Variants in SORCS1 observed in about 807,000 individuals in gnomAD.
The protein encoded by SORCS1 is VPS10 domain-containing receptor SorCS1.
Under a neutral mutation model 146.1 loss-of-function variants are expected in SORCS1, and 60 were observed. The ratio of observed to expected loss-of-function variants is 0.41; its 90% CI spans 0.33 to 0.51. The LOEUF is 0.51. Among genes scored for constraint, SORCS1 ranks in the 20% least tolerant of loss-of-function variants. The pLI, the probability that SORCS1 is intolerant of heterozygous loss-of-function variation, is 0.21. For synonymous variants in SORCS1, 637 were observed against 584.0 expected (o/e 1.09, Z -1.31); for missense variants, 1,352 against 1,487.6 (o/e 0.91, Z 1.50).
Position 106,744,395 on chromosome 10 carries a change from G to A in SORCS1, c.960-14281C>T, listed in dbSNP as rs564972097. On this transcript the variant is annotated intron_variant, in intron 5 of 25. Transcript: ENST00000263054. Reference sequence around the variant, plus strand: ...CCTGGTATTTCAGGCTTGAGCCACCGTGCCCGGCCATCATGTTACTTTTAG... The same window carrying A: ...CCTGGTATTTCAGGCTTGAGCCACCATGCCCGGCCATCATGTTACTTTTAG... Among the ~76,000 whole-genome samples the A allele has an allele frequency of 4.6e-5, 7 of 152,216 alleles. No individual in the cohort carries two copies. The South Asian group carries it at 1.0e-3, about 23-fold the overall frequency.
At chr10:106,631,193 A>T (rs1047610326) in intron 18 of SORCS1, among the ~76,000 whole-genome samples, 21 of 152,238 alleles carry the variant, frequency 1.4e-4, no homozygotes, top group Non-Finnish European at 2.6e-4. Context: ...CCAGCCAAGC[A>T]TTGTGTGTGG....
At chr10:106,950,751 T>G (rs986973089) in intron 2 of SORCS1, among the ~76,000 whole-genome samples, 1 of 152,080 alleles carries the variant, frequency 6.6e-6, no homozygotes, top group Non-Finnish European at 1.5e-5. Flanking sequence ...AATGAACGTA[T>G]GGAGTTCAGT....
At chr10:106,925,495 C>T (rs1952969512) in intron 2 of SORCS1, among the ~76,000 whole-genome samples, 1 of 152,162 alleles carries the variant, frequency 6.6e-6, no homozygotes, top group African/African-American at 2.4e-5. Flanking sequence ...CTGATGGTCT[C>T]AAGCTTGCTT....
chr10:106,822,782 GTT>G lies in SORCS1; in HGVS notation c.726+6790_726+6791del, dbSNP rs1158921880. 6.5e-3 allele frequency among the ~76,000 whole-genome samples: 735 copies of G among 113,096 alleles called. 12 individuals are homozygous for G. Among genetic ancestry groups the G allele is most frequent in the African/African-American group, 0.026 (686 of 26,276 alleles). 74.2% of individuals were successfully genotyped at this position (113,096 alleles called of 152,430 possible). On this transcript the variant is annotated intron_variant, in intron 3 of 25. Coordinates refer to ENST00000263054, the MANE Select transcript of SORCS1 (RefSeq NM_052918.5). ...CACTATGTCTCTGAATTCATGTGTGGTTTTTTTTTTTTTTTTTTTTGAATATT... is the reference window on the plus strand; with the variant it reads ...CACTATGTCTCTGAATTCATGTGTGGTTTTTTTTTTTTTTTTTTGAATATT...
At chr10:107,157,361 T>C (rs1390995542) in intron 1 of SORCS1, among the ~76,000 whole-genome samples, 6 of 152,232 alleles carry the variant, frequency 3.9e-5, no homozygotes, top group African/African-American at 1.4e-4. Context: ...CCAAATGTTA[T>C]TTGACCTTCT....
intron 1 of SORCS1, among the ~76,000 whole-genome samples, chr10:107,024,980 A>C (rs1172786644): frequency 2.0e-5 from 3 of 152,200 alleles, no homozygotes; most frequent in Non-Finnish European, 2.9e-5. Flanking sequence ...CTTGGGGCTA[A>C]GGGTTAGTAT....
At chr10:106,961,853 C>A (rs1471968108) in intron 1 of SORCS1, among the ~76,000 whole-genome samples, 6 of 152,202 alleles carry the variant, frequency 3.9e-5, no homozygotes, top group African/African-American at 1.2e-4. Flanking sequence ...CCATACACTG[C>A]TACTCTGGGC....
Position 106,699,285 on chromosome 10 carries a change from A to G in SORCS1, c.1342T>C (p.Phe448Leu). 1.2e-6 allele frequency: 2 copies of G among 1,614,066 alleles called. No homozygotes were observed. Residue 448 changes from phenylalanine (F) to leucine (L), a missense_variant, in exon 9 of 26, where the codon TTC becomes CTC. Transcript: ENST00000263054. ...TGGACATTCTCCAAGGCCAGGGTGA[A>G]GTAGACACCACGTGTGTCTGAGATG... The part of the protein sequence containing the change: ...LYISDTRGVY[F>L]TLALENVQSS...
chr10:106,672,593 G>A (rs763376960), intron 15 of SORCS1, among the ~76,000 whole-genome samples: 5 of 152,174 alleles, frequency 3.3e-5, no homozygotes, highest in Non-Finnish European at 7.3e-5. Flanking sequence ...TTGGATCTGA[G>A]TGCTGAACTG....
intron 17 of SORCS1, among the ~76,000 whole-genome samples, chr10:106,659,226 G>T (rs765683436): frequency 6.6e-6 from 1 of 152,172 alleles, no homozygotes; most frequent in Non-Finnish European, 1.5e-5. Context: ...AGAAATTAGC[G>T]GATAGGCATA....
At chr10:106,605,270 A>G (rs1846496469) in intron 23 of SORCS1, among the ~76,000 whole-genome samples, 1 of 152,276 alleles carries the variant, frequency 6.6e-6, no homozygotes, top group African/African-American at 2.4e-5. Context: ...AGACAGTCAA[A>G]GCAAGACACA....
intron 1 of SORCS1, among the ~76,000 whole-genome samples, chr10:107,073,473 A>G (rs1041638069): frequency 6.6e-6 from 1 of 152,150 alleles, no homozygotes; most frequent in Non-Finnish European, 1.5e-5. Context: ...TTTACCCTCA[A>G]TTAGACTTAG....
chr10:106,699,527 A>AT, intron 8 of SORCS1, 134 bp from the exon 9 acceptor site: 4 of 678,324 alleles, frequency 5.9e-6, no homozygotes, highest in Non-Finnish European at 9.3e-6. Context: ...CCTTTTGCAT[A>AT]TATAAGAAAT....
intron 21 of SORCS1, among the ~76,000 whole-genome samples, chr10:106,612,295 A>C (rs111843458): frequency 0.012 from 1,793 of 151,730 alleles, 21 homozygotes; most frequent in African/African-American, 0.032. Flanking sequence ...GGAGGGGGCT[A>C]CAAAGCTGAG....
chr10:106,866,649 A>G (rs1374208618), intron 2 of SORCS1, among the ~76,000 whole-genome samples: 1 of 152,190 alleles, frequency 6.6e-6, no homozygotes, highest in Non-Finnish European at 1.5e-5. Context: ...AGGAGAGGAA[A>G]CATGGGGAAG....
intron 6 of SORCS1, among the ~76,000 whole-genome samples, chr10:106,728,994 A>C (rs1403802212): frequency 1.3e-5 from 2 of 150,116 alleles, no homozygotes; most frequent in African/African-American, 4.9e-5. Flanking sequence ...ATTTTCTTTT[A>C]CCCCCTCACC....
At chr10:107,023,979 G>C (rs12764094) in intron 1 of SORCS1, among the ~76,000 whole-genome samples, 1,861 of 152,126 alleles carry the variant, frequency 0.012, 24 homozygotes, top group Middle Eastern at 0.027. Flanking sequence ...TTCGAGACCA[G>C]CCTGACCAAC....
At chr10:106,850,084 C>G (rs1051684768) in intron 2 of SORCS1, among the ~76,000 whole-genome samples, 1 of 152,002 alleles carries the variant, frequency 6.6e-6, no homozygotes, top group African/African-American at 2.4e-5. Flanking sequence ...CAGAGGCAGG[C>G]AGGCCTCCTT....
At chr10:107,062,555 C>T (rs1961324465) in intron 1 of SORCS1, among the ~76,000 whole-genome samples, 1 of 152,024 alleles carries the variant, frequency 6.6e-6, no homozygotes, top group Admixed American at 6.6e-5. Flanking sequence ...ACCCATCTAC[C>T]ATAGCTAACG....
Sources: allele counts gnomAD v4.1 joint callset (sites outside exome capture counted in the v4.1 genomes callset), GRCh38; gene constraint gnomAD v4.1.1; transcripts MANE v1.5; gene names NCBI Gene and HGNC (gene_info 2026-07-23, HGNC 2026-07-21).